The following MAPK4 variants were observed in gnomAD, a reference collection of about 807,000 sequenced individuals.
MAPK4 encodes the protein Erk3-related.
MAPK4 carries 22 observed loss-of-function variants against 47.7 expected under a neutral mutation model. The ratio of observed to expected loss-of-function variants is 0.46; its 90% CI spans 0.33 to 0.66. The LOEUF (loss-of-function observed/expected upper bound fraction) is 0.66, where lower values mean the gene tolerates loss of function less well. MAPK4 is among the 30% of genes least tolerant of loss of function. MAPK4 has a pLI of 0.02. For missense variants in MAPK4, 736 were observed against 831.7 expected (o/e 0.88, Z 1.42); for synonymous variants, 390 against 365.7 (o/e 1.07, Z -0.76).
intron 4 of MAPK4, 94 bp downstream of exon 4, chr18:50,722,193 GGCAA>G: frequency 7.4e-7 from 1 of 1,359,188 alleles, no homozygotes; most frequent in Non-Finnish European, 1.0e-6. Context: ...CTTCCAAAAG[GGCAA>G]AGCATGGTCC....
At chr18:50,716,784 C>G (rs1910659550) in intron 3 of MAPK4, among the ~76,000 whole-genome samples, 1 of 151,482 alleles carries the variant, frequency 6.6e-6, no homozygotes, top group East Asian at 2.0e-4. Context: ...CCCACCTCCT[C>G]AGCCTGCCCT....
intron 1 of MAPK4, among the ~76,000 whole-genome samples, chr18:50,631,196 G>A (rs1003095742): frequency 6.6e-6 from 1 of 151,664 alleles, no homozygotes; most frequent in Non-Finnish European, 1.5e-5. Context: ...TTTTTGTTTT[G>A]CATTTTTGTG....
chr18:50,605,082 C>T (rs910365626), intron 1 of MAPK4, among the ~76,000 whole-genome samples: 10 of 152,222 alleles, frequency 6.6e-5, no homozygotes, highest in African/African-American at 1.7e-4. Flanking sequence ...CCTGTGCACA[C>T]ATCAACGCTT....
chr18:50,680,629 T>C (rs749839950), intron 2 of MAPK4, among the ~76,000 whole-genome samples: 3 of 152,124 alleles, frequency 2.0e-5, no homozygotes, highest in Non-Finnish European at 2.9e-5. Flanking sequence ...GTCAGCTTTC[T>C]CTATCTATGG....
At chr18:50,613,980 AT>A (rs1300998291) in intron 1 of MAPK4, among the ~76,000 whole-genome samples, 4 of 152,222 alleles carry the variant, frequency 2.6e-5, no homozygotes, top group Non-Finnish European at 5.9e-5. Flanking sequence ...TTGCTGTTTA[AT>A]ATATTCTATT....
At chr18:50,687,908 G>GA (rs1470278910) in intron 2 of MAPK4, among the ~76,000 whole-genome samples, 2 of 151,734 alleles carry the variant, frequency 1.3e-5, no homozygotes, top group African/African-American at 2.4e-5. Context: ...TGGGTCCTAG[G>GA]AAAAAAAAGA....
At chr18:50,645,500 A>G (rs1284020242) in intron 1 of MAPK4, among the ~76,000 whole-genome samples, 1 of 152,232 alleles carries the variant, frequency 6.6e-6, no homozygotes, top group African/African-American at 2.4e-5. Flanking sequence ...CACTCTACAC[A>G]GTGACAGCCA....
chr18:50,686,442 C>T (rs1418275758), intron 2 of MAPK4, among the ~76,000 whole-genome samples: 1 of 152,240 alleles, frequency 6.6e-6, no homozygotes, highest in Non-Finnish European at 1.5e-5. Context: ...CTAAAAAGCA[C>T]CAAAACTTTG....
At chr18:50,672,472 G>T (rs187608605) in intron 2 of MAPK4, among the ~76,000 whole-genome samples, 1 of 152,252 alleles carries the variant, frequency 6.6e-6, no homozygotes, top group Admixed American at 6.5e-5. Context: ...GAACACCCAG[G>T]CAGACTTGGA....
intron 4 of MAPK4, among the ~76,000 whole-genome samples, chr18:50,724,957 G>T (rs1038998586): frequency 6.6e-6 from 1 of 152,218 alleles, no homozygotes; most frequent in Non-Finnish European, 1.5e-5. Flanking sequence ...TAGTCCTTGC[G>T]CTGAGATAAC....
chr18:50,651,814 C>T (rs1382711150), intron 1 of MAPK4, among the ~76,000 whole-genome samples: 1 of 152,178 alleles, frequency 6.6e-6, no homozygotes, highest in Non-Finnish European at 1.5e-5. Flanking sequence ...CCTGATGCTC[C>T]CGCCAGTCTC....
At chr18:50,578,521 A>C (rs2042317088) in intron 1 of MAPK4, among the ~76,000 whole-genome samples, 2 of 152,244 alleles carry the variant, frequency 1.3e-5, no homozygotes, top group Non-Finnish European at 2.9e-5. Flanking sequence ...TAGTGATGGC[A>C]GATGGTGCCT....
intron 2 of MAPK4, among the ~76,000 whole-genome samples, chr18:50,668,512 C>G (rs537759106): frequency 3.2e-4 from 48 of 152,316 alleles, no homozygotes; most frequent in Middle Eastern, 3.4e-3. Context: ...GTGTGTGCCC[C>G]CTACTGCACC....
In MAPK4 at chr18:50,722,866, A is replaced by G. The variant is rs548610874; in HGVS notation, c.853+767A>G. Among the ~76,000 whole-genome samples, 17 of 152,230 alleles carry G rather than the reference A, an allele frequency of 1.1e-4. No individual in the cohort carries two copies. In the South Asian group the frequency reaches 3.3e-3, roughly 30 times the overall value. On this transcript the variant is annotated intron_variant, in intron 4 of 5. Transcript: ENST00000400384. ...CCCACCTGCCTCTCAATCTCCAGACATGCTCCTGAGAACCCTTCCAGAACC... is the reference window on the plus strand; with the variant it reads ...CCCACCTGCCTCTCAATCTCCAGACGTGCTCCTGAGAACCCTTCCAGAACC...
chr18:50,683,076 G>T (rs1047802145), intron 2 of MAPK4, among the ~76,000 whole-genome samples: 2 of 152,118 alleles, frequency 1.3e-5, no homozygotes, highest in African/African-American at 4.8e-5. Flanking sequence ...GATGGAAAGG[G>T]ATTACAAAGA....
intron 1 of MAPK4, among the ~76,000 whole-genome samples, chr18:50,618,245 T>A (rs1373829753): frequency 6.6e-6 from 1 of 152,150 alleles, no homozygotes; most frequent in African/African-American, 2.4e-5. Flanking sequence ...CCCTCACCTA[T>A]CTGCTCATCG....
chr18:50,665,025 A>G (rs1907518562), intron 2 of MAPK4, among the ~76,000 whole-genome samples: 1 of 152,128 alleles, frequency 6.6e-6, no homozygotes, highest in Admixed American at 6.5e-5. Context: ...TGATGAGCTA[A>G]TCCTTCACTG....
At chr18:50,565,698 A>G (rs1029237207) in intron 1 of MAPK4, among the ~76,000 whole-genome samples, 1 of 152,158 alleles carries the variant, frequency 6.6e-6, no homozygotes, top group Non-Finnish European at 1.5e-5. Context: ...ATGTTTAGAC[A>G]TATTTAGGTG....
chr18:50,609,128 A>G (rs1374828130), intron 1 of MAPK4, among the ~76,000 whole-genome samples: 2 of 152,122 alleles, frequency 1.3e-5, no homozygotes, highest in East Asian at 1.9e-4. Context: ...GTCTTTCTAC[A>G]CAGACAGCAA....
Sources: gnomAD v4.1 joint callset for allele counts (sites outside exome capture counted in the v4.1 genomes callset) on GRCh38, gnomAD v4.1.1 for gene constraint, MANE v1.5 for transcripts, NCBI Gene and HGNC (gene_info 2026-07-23, HGNC 2026-07-21) for gene names.